NCOA3: variants seen among roughly 807,000 people sequenced by gnomAD.
NCOA3 encodes the protein nuclear receptor coactivator 3.
NCOA3 carries 51 observed loss-of-function variants against 158.8 expected under a neutral mutation model. That is an observed-to-expected ratio of 0.32 (90% CI 0.26 to 0.41). The LOEUF (loss-of-function observed/expected upper bound fraction) is 0.41. Among genes scored for constraint, NCOA3 ranks in the 10% least tolerant of loss-of-function variants. The pLI is 1.00. For missense variants in NCOA3, 1,510 were observed against 1,746.6 expected, an observed-to-expected ratio of 0.86 and a Z score of 2.41; for synonymous variants, 537 against 592.4, an observed-to-expected ratio of 0.91 and a Z score of 1.36.
At chr20:47,584,848 A>G (rs903370393) in intron 2 of NCOA3, among the ~76,000 whole-genome samples, 1 of 152,124 alleles carries the variant, frequency 6.6e-6, no homozygotes, top group Non-Finnish European at 1.5e-5. Flanking sequence ...GTATTCGTAT[A>G]TATGTATATA....
intron 1 of NCOA3, among the ~76,000 whole-genome samples, chr20:47,529,534 T>A (rs1027020682): frequency 4.6e-5 from 7 of 152,192 alleles, no homozygotes; most frequent in Non-Finnish European, 2.9e-5. Flanking sequence ...CGCCTCAGCC[T>A]CCCGAGTAGC....
At chr20:47,565,279 C>T (rs1162073571) in intron 1 of NCOA3, among the ~76,000 whole-genome samples, 1 of 152,162 alleles carries the variant, frequency 6.6e-6, no homozygotes, top group African/African-American at 2.4e-5. Flanking sequence ...CGGTGCCTGG[C>T]CCCAGATGTC....
chr20:47,652,633 G>A, intron 21 of NCOA3, 53 bp downstream of exon 21: 1 of 1,526,390 alleles, frequency 6.6e-7, no homozygotes, highest in Admixed American at 1.8e-5. Context: ...AGAAGTCCAA[G>A]AACTTAATGT....
intron 2 of NCOA3, among the ~76,000 whole-genome samples, chr20:47,601,085 A>C (rs1602467249): frequency 6.6e-6 from 1 of 152,188 alleles, no homozygotes; most frequent in South Asian, 2.1e-4. Flanking sequence ...TATTTAGCAC[A>C]TGATTCTGGA....
chr20:47,650,621 C>T (rs1469281118), intron 19 of NCOA3, among the ~76,000 whole-genome samples: 2 of 150,932 alleles, frequency 1.3e-5, no homozygotes, highest in African/African-American at 2.4e-5. Context: ...TTAAGCACTT[C>T]GGGAGGCCGA....
At chr20:47,639,320 C>A in intron 14 of NCOA3, 118 bp downstream of exon 14, 1 of 967,260 alleles carries the variant, frequency 1.0e-6, no homozygotes, top group Non-Finnish European at 1.5e-6. Flanking sequence ...TAGTATGTTT[C>A]TTCCATGAAT....
chr20:47,645,745 C>A (rs2086676345), intron 17 of NCOA3, among the ~76,000 whole-genome samples: 1 of 152,120 alleles, frequency 6.6e-6, no homozygotes, highest in Non-Finnish European at 1.5e-5. Context: ...TGGTGTGTGC[C>A]TGTAGTCCCA....
chr20:47,636,193 G>T lies in NCOA3; in HGVS notation c.1807G>T (p.Val603Phe). The T allele has an allele frequency of 1.2e-6, 2 of 1,614,200 alleles. No homozygotes were observed. Among genetic ancestry groups the T allele is most frequent in the East Asian group, 4.5e-5 (2 of 44,886 alleles). Residue 603 changes from valine (V) to phenylalanine (F), a missense_variant, in exon 12 of 23, where the codon GTT (valine) becomes TTT (phenylalanine). By Grantham distance (50) the Val-to-Phe change is conservative (BLOSUM62 -1). Transcript: ENST00000371998. ...TGACAAAGAAAGTAAGGAGAGCAGT[G>T]TTGAGGGGGCAGAGAATCAAAGGGG... ...LSDKESKESS[V>F]EGAENQRGPL... is the part of the protein sequence containing the mutation.
chr20:47,621,892 G>A (rs1387237213), intron 2 of NCOA3, among the ~76,000 whole-genome samples: 2 of 151,910 alleles, frequency 1.3e-5, no homozygotes. Context: ...GGTCAGGCTG[G>A]TCTCAAACTC....
In NCOA3 at chr20:47,583,218, C is replaced by T. The variant is rs1362372809; in HGVS notation, c.-63C>T. On this transcript the variant is annotated 5_prime_UTR_variant, in exon 2 of 23. It introduces an in-frame stop codon into an upstream open reading frame of the 5' UTR. Transcript: ENST00000371998. ...CTTGCTGGATGGTGGACTCAGAGAC[C>T]AATAAAAATAAACTGCTTGAACATC... 2.5e-6 allele frequency: 1 copy of T among 398,440 alleles called. No homozygotes were observed. The highest frequency in any genetic ancestry group is 2.1e-5 in the African/African-American group (1 of 48,604). The allele number at this position is 398,440 out of a possible 1,614,324, so 24.7% of individuals were successfully genotyped here. A position where few individuals can be genotyped will look rare whatever the true frequency, so the allele number is the denominator to read the frequency against.
At chr20:47,516,428 G>A (rs1432155181) in intron 1 of NCOA3, among the ~76,000 whole-genome samples, 1 of 152,140 alleles carries the variant, frequency 6.6e-6, no homozygotes, top group Non-Finnish European at 1.5e-5. Flanking sequence ...ACACAGGGAA[G>A]AGAATTTTAT....
At chr20:47,542,749 C>T (rs2084765490) in intron 1 of NCOA3, among the ~76,000 whole-genome samples, 1 of 152,080 alleles carries the variant, frequency 6.6e-6, no homozygotes. Context: ...ATCATTTGAG[C>T]CCCGGAGTTT....
At chr20:47,588,599 T>C (rs1003963770) in intron 2 of NCOA3, among the ~76,000 whole-genome samples, 6 of 152,212 alleles carry the variant, frequency 3.9e-5, no homozygotes, top group African/African-American at 1.4e-4. Flanking sequence ...GTCAAAATTA[T>C]ACAAAAGGCA....
chr20:47,652,949 G>T lies in NCOA3; in HGVS notation c.4140G>T (p.Gln1380His). ...CTTACAGCTCCTTTTCCCAGCAGCA[G>T]TTTGCCCACCAGGGGAATCCTGCAG... ...LARNSSFSQQ[Q>H]FAHQGNPAVY... Residue 1380 changes from glutamine to histidine, a missense_variant, in exon 22 of 23, where the codon CAG becomes CAT. Physicochemically the swap from Gln to His is conservative, Grantham distance 24. Transcript: ENST00000371998. The T allele has an allele frequency of 3.7e-6, 6 of 1,614,212 alleles. No individual in the cohort carries two copies. Among genetic ancestry groups the T allele is most frequent in the Non-Finnish European group, 4.2e-6 (5 of 1,180,044 alleles).
chr20:47,594,664 CAAAAAAAAAAAAAAA>C (rs377014290), intron 2 of NCOA3, among the ~76,000 whole-genome samples: 15 of 72,948 alleles, frequency 2.1e-4, no homozygotes, highest in East Asian at 1.9e-3. Flanking sequence ...GACTCTGTCT[CAAAAAAAAAAAAAAA>C]AAAAAAAAAA....
At chr20:47,541,602 C>T (rs1602373400) in intron 1 of NCOA3, among the ~76,000 whole-genome samples, 1 of 149,516 alleles carries the variant, frequency 6.7e-6, no homozygotes, top group Admixed American at 6.7e-5. Context: ...AGGCTGGTCT[C>T]GAACTCCTGG....
Position 47,625,468 on chromosome 20 carries a change from C to T in NCOA3, c.344C>T (p.Pro115Leu), listed in dbSNP as rs2146303139. The change falls in exon 5 of 23, where the codon CCG (proline) becomes CTG (leucine). Residue 115 changes from proline (P) to leucine (L), a missense_variant. This residue lies in a region of NCOA3 where 309 missense variants were observed against 427.1 expected (regional missense o/e 0.72). Coordinates refer to ENST00000371998, the MANE Select transcript of NCOA3 (RefSeq NM_181659.3). ...QGVIDKDSLG[P>L]LLLQALDGFL... ...GTTATTGATAAAGACTCCTTAGGAC[C>T]GCTTTTACTTCAGGCAAGTATAAAG... 2.5e-6 allele frequency: 4 copies of T among 1,608,844 alleles called. No homozygotes were observed. The highest frequency in any genetic ancestry group is 2.2e-5 in the East Asian group (1 of 44,822).
chr20:47,523,027 A>G (rs1395247716), intron 1 of NCOA3, among the ~76,000 whole-genome samples: 6 of 152,030 alleles, frequency 3.9e-5, no homozygotes, highest in Non-Finnish European at 7.4e-5. Context: ...CGTCTCTACT[A>G]AAAATACAAA....
At chr20:47,584,904 C>G (rs1341765782) in intron 2 of NCOA3, among the ~76,000 whole-genome samples, 1 of 152,066 alleles carries the variant, frequency 6.6e-6, no homozygotes, top group African/African-American at 2.4e-5. Context: ...GAAATTCCCC[C>G]TCCTTATGTG....
Sources: allele counts gnomAD v4.1 joint callset (sites outside exome capture counted in the v4.1 genomes callset), GRCh38; gene constraint gnomAD v4.1.1; regional missense constraint gnomAD v4.1.1; transcripts MANE v1.5; gene names NCBI Gene and HGNC (gene_info 2026-07-23, HGNC 2026-07-21).